The following SRL variants were observed in gnomAD, a reference collection of about 807,000 sequenced individuals.
The protein encoded by SRL is sarcalumenin.
A neutral mutation model predicts 39.5 loss-of-function variants in SRL; 23 were observed. The observed-to-expected ratio is 0.58, with a 90% CI of 0.42 to 0.82. The LOEUF (loss-of-function observed/expected upper bound fraction) is 0.82. Among genes scored for constraint, SRL ranks in the 40% least tolerant of loss-of-function variants. The probability of loss-of-function intolerance (pLI) is 0.00; values close to 1 mark genes in which losing one functional copy is unlikely to be tolerated. For missense variants in SRL, 592 were observed against 607.8 expected (o/e 0.97, Z 0.27); for synonymous variants, 272 against 237.4 (o/e 1.15, Z -1.34).
chr16:4,192,870 C>T lies in SRL; in HGVS notation c.705G>A (p.Glu235=). ...TCAACTGGCGGAAGAGCATCTCCAG[C>T]TCTAGACCCACATCCAGCTTTGTTG... ...FDPTKLDVGL[E]LEMLFRQLKG... The change falls in exon 6 of 6, where the codon GAG becomes GAA. Residue 235 remains glutamate, a synonymous_variant. Transcript: ENST00000399609. This position sits in a 1 kb window ranked among gnomAD's most constrained non-coding sequence, Gnocchi z 4.0. 1 of 1,614,194 alleles carries T rather than the reference C, an allele frequency of 6.2e-7. No homozygotes were observed. Among genetic ancestry groups the T allele is most frequent in the South Asian group, 1.1e-5 (1 of 91,080 alleles).
chr16:4,195,491 C>A, intron 5 of SRL, 62 bp downstream of exon 5: 1 of 1,537,488 alleles, frequency 6.5e-7, no homozygotes. Context: ...AGCCATCATG[C>A]CTGGCCAAAA....
intron 1 of SRL, among the ~76,000 whole-genome samples, chr16:4,241,181 G>A (rs553672688): frequency 6.6e-6 from 1 of 152,224 alleles, no homozygotes; most frequent in Non-Finnish European, 1.5e-5. Context: ...GGGATCCCCG[G>A]AGCACCTCCC....
Position 4,230,623 on chromosome 16 carries a change from G to A in SRL, c.61+11384C>T, listed in dbSNP as rs192118394. Among the ~76,000 whole-genome samples the A allele has an allele frequency of 4.1e-3, 615 of 151,568 alleles. 3 individuals are homozygous for A. The highest frequency in any genetic ancestry group is 7.1e-3 in the Admixed American group (108 of 15,198). On this transcript the variant is annotated intron_variant, in intron 1 of 5. Coordinates refer to ENST00000399609, the MANE Select transcript of SRL (RefSeq NM_001098814.2). ...AGGCTGGTCTTGAACTCCCGACCTC[G>A]TGATCCGCACCCCCTTGGCCTCCCA...
intron 1 of SRL, among the ~76,000 whole-genome samples, chr16:4,209,885 C>T (rs1277575663): frequency 2.0e-5 from 3 of 152,166 alleles, no homozygotes; most frequent in Non-Finnish European, 4.4e-5. Context: ...GTGACCGGAA[C>T]CCAGAACTGC....
In SRL at chr16:4,192,092, C is replaced by G. The variant is rs8051399; in HGVS notation, c.*61G>C. On this transcript the variant is annotated 3_prime_UTR_variant, in exon 6 of 6. Transcript: ENST00000399609. This position sits in a 1 kb window ranked among gnomAD's most constrained non-coding sequence, Gnocchi z 4.0. ...GCTCAAAGGGTTAATAAACCAGGAC[C>G]TCTCAGACAGTTAGGACACAAGCTG... 2.7e-6 allele frequency: 4 copies of G among 1,492,030 alleles called. No individual in the cohort carries two copies. Among genetic ancestry groups the G allele is most frequent in the South Asian group, 2.7e-5 (2 of 73,794 alleles). 92.4% of individuals were successfully genotyped at this position (1,492,030 alleles called of 1,614,324 possible).
chr16:4,237,226 G>C (rs989028251), intron 1 of SRL, among the ~76,000 whole-genome samples: 1 of 152,190 alleles, frequency 6.6e-6, no homozygotes, highest in African/African-American at 2.4e-5. Flanking sequence ...ACAGGTGTGA[G>C]CCACTTCATC....
chr16:4,227,579 G>A (rs75687346), intron 1 of SRL, among the ~76,000 whole-genome samples: 1 of 151,926 alleles, frequency 6.6e-6, no homozygotes, highest in African/African-American at 2.4e-5. Context: ...GGACAGATGG[G>A]TGAATGGAAG....
intron 3 of SRL, among the ~76,000 whole-genome samples, chr16:4,201,875 C>T (rs2052238046): frequency 6.6e-6 from 1 of 151,232 alleles, no homozygotes. Context: ...GGGCTGGTCT[C>T]GAACTCCTGA....
chr16:4,220,221 T>A (rs2052506865), intron 1 of SRL, among the ~76,000 whole-genome samples: 1 of 151,322 alleles, frequency 6.6e-6, no homozygotes, highest in East Asian at 1.9e-4. Flanking sequence ...CCAGATCACT[T>A]GAGGCCAGGA....
chr16:4,217,114 GT>G (rs1273132888), intron 1 of SRL, among the ~76,000 whole-genome samples: 2 of 152,180 alleles, frequency 1.3e-5, no homozygotes, highest in Non-Finnish European at 2.9e-5. Context: ...GGAAATGGGT[GT>G]GACACCTTCC....
At chr16:4,207,346 C>G (rs2052335239) in intron 1 of SRL, 1 of 456,824 alleles carries the variant, frequency 2.2e-6, no homozygotes, top group Non-Finnish European at 4.4e-6. Flanking sequence ...CTGGCCTCTG[C>G]AGCTGGGCCG....
At chr16:4,217,572 C>T (rs1269231409) in intron 1 of SRL, among the ~76,000 whole-genome samples, 3 of 152,106 alleles carry the variant, frequency 2.0e-5, no homozygotes, top group Non-Finnish European at 2.9e-5. Flanking sequence ...ACCACTGGCG[C>T]CCCCACCCCC....
chr16:4,194,858 C>A (rs1404925277), intron 5 of SRL, among the ~76,000 whole-genome samples: 1 of 152,104 alleles, frequency 6.6e-6, no homozygotes, highest in African/African-American at 2.4e-5. Context: ...CCTCTCCCTG[C>A]CTGCCTACCA....
intron 5 of SRL, among the ~76,000 whole-genome samples, chr16:4,194,780 G>A (rs934985921): frequency 6.6e-6 from 1 of 152,106 alleles, no homozygotes; most frequent in Non-Finnish European, 1.5e-5. Flanking sequence ...AGATGGCATC[G>A]CAGTAACGAC....
intron 1 of SRL, among the ~76,000 whole-genome samples, chr16:4,213,404 C>CTTTTTTTTTTTTTTTTTTTTTTTTTT (rs1176583909): frequency 2.9e-5 from 2 of 69,582 alleles, no homozygotes; most frequent in Non-Finnish European, 5.2e-5. Context: ...TTTTCTTTTT[C>CTTTTTTTTTTTTTTTTTTTTTTTTTT]TTTTTTTTTT....
chr16:4,201,399 C>A (rs2052227822), intron 3 of SRL, among the ~76,000 whole-genome samples: 1 of 151,754 alleles, frequency 6.6e-6, no homozygotes, highest in Admixed American at 6.6e-5. Flanking sequence ...ACCTCAGCTT[C>A]CCCAGTAGCT....
intron 2 of SRL, 115 bp from the exon 3 acceptor site, chr16:4,203,376 A>C: frequency 1.3e-6 from 1 of 792,998 alleles, no homozygotes; most frequent in East Asian, 2.5e-5. Context: ...GGTGGGCAGC[A>C]AGTGCTGTTT....
chr16:4,237,845 T>A (rs1264356890), intron 1 of SRL, among the ~76,000 whole-genome samples: 3 of 152,064 alleles, frequency 2.0e-5, no homozygotes, highest in African/African-American at 7.2e-5. Flanking sequence ...CCTTTTCTGA[T>A]CCGATCCACT....
chr16:4,240,471 T>C (rs1473468745), intron 1 of SRL, among the ~76,000 whole-genome samples: 1 of 152,040 alleles, frequency 6.6e-6, no homozygotes, highest in Non-Finnish European at 1.5e-5. Context: ...ACAGCCCAAG[T>C]GCTGAGCAGG....
Sources: gnomAD v4.1 joint callset for allele counts (sites outside exome capture counted in the v4.1 genomes callset) on GRCh38, gnomAD v4.1.1 for gene constraint, Gnocchi (gnomAD v3.1) non-coding constraint, MANE v1.5 for transcripts, NCBI Gene and HGNC (gene_info 2026-07-23, HGNC 2026-07-21) for gene names.